The following TSEN2 variants were observed in gnomAD, a reference collection of about 807,000 sequenced individuals.
The protein encoded by TSEN2 is tRNA splicing endonuclease subunit 2.
TSEN2 carries 54 observed loss-of-function variants against 59.2 expected under a neutral mutation model. The ratio of observed to expected loss-of-function variants is 0.91; its 90% CI spans 0.73 to 1.14. The LOEUF (loss-of-function observed/expected upper bound fraction) is 1.14. Among genes scored for constraint, TSEN2 ranks in the 50% most tolerant of loss-of-function variants. TSEN2 has a pLI of 0.00. For synonymous variants in TSEN2, 195 were observed against 198.2 expected, an observed-to-expected ratio of 0.98 and a Z score of 0.14; for missense variants, 636 against 576.2, an observed-to-expected ratio of 1.10 and a Z score of -1.06.
chr3:12,492,220 A>T lies in TSEN2; in HGVS notation c.271+3A>T. 1.2e-6 allele frequency: 2 copies of T among 1,611,298 alleles called. No homozygotes were observed. Among genetic ancestry groups the T allele is most frequent in the South Asian group, 2.2e-5 (2 of 91,014 alleles). On this transcript the variant is annotated splice_donor_region_variant and intron_variant, in intron 3 of 11. Coordinates refer to ENST00000284995, the MANE Select transcript of TSEN2 (RefSeq NM_025265.4). Reference sequence around the variant, plus strand: ...TAAACTGGTTGCTAAATGGAAAGGTAAAGTTGTTGTATCATTCAGTTCTTT... The same window carrying T: ...TAAACTGGTTGCTAAATGGAAAGGTTAAGTTGTTGTATCATTCAGTTCTTT...
At chr3:12,509,808 A>T (rs2055240370) in intron 6 of TSEN2, among the ~76,000 whole-genome samples, 1 of 152,202 alleles carries the variant, frequency 6.6e-6, no homozygotes, top group African/African-American at 2.4e-5. Context: ...CCTGGGGAAT[A>T]AACTAGAATG....
chr3:12,508,794 C>T (rs1051544209), intron 6 of TSEN2, among the ~76,000 whole-genome samples: 3 of 152,198 alleles, frequency 2.0e-5, no homozygotes, highest in Non-Finnish European at 2.9e-5. Context: ...TGTCTCCATC[C>T]GTCTTCTGCA....
chr3:12,531,226 G>A, intron 10 of TSEN2: 1 of 261,062 alleles, frequency 3.8e-6, no homozygotes, highest in Non-Finnish European at 7.5e-6. Context: ...TTTGGGTGGG[G>A]GCACAGCCAA....
rs1491196550 is a variant in TSEN2 at position 12,516,442 on chromosome 3, A to ATG, written c.910-168_910-167insGT. 0.034 allele frequency among the ~76,000 whole-genome samples: 3,031 copies of ATG among 89,134 alleles called. 52 individuals carry two copies. The highest frequency in any genetic ancestry group is 0.054 in the African/African-American group (1,316 of 24,492). The allele number at this position is 89,134 out of a possible 152,430, so 58.5% of individuals were successfully genotyped here. A position where few individuals can be genotyped will look rare whatever the true frequency, so the allele number is the denominator to read the frequency against. ...TCCGTTTCAAAAACAAACAAACAAA[A>ATG]TATATGTGTGTGTGTGTGTGTGTGT... On this transcript the variant is annotated intron_variant, in intron 6 of 11. Transcript: ENST00000284995.
intron 6 of TSEN2, among the ~76,000 whole-genome samples, chr3:12,514,201 C>G (rs939208099): frequency 6.6e-6 from 1 of 152,142 alleles, no homozygotes. Flanking sequence ...ACCTTTGAGT[C>G]TGGAGCAGAA....
At chr3:12,491,118 G>A (rs1013793638) in intron 2 of TSEN2, among the ~76,000 whole-genome samples, 30 of 152,072 alleles carry the variant, frequency 2.0e-4, no homozygotes, top group African/African-American at 7.0e-4. Flanking sequence ...AGCCTCCCGA[G>A]TAGTTGGGAC....
At position 12,532,803 on chromosome 3, in the gene TSEN2, A is replaced by T; in HGVS notation, c.*82A>T. ...AAAGTTCTTTTTGTTGTAATCGTCC[A>T]TTAATTCATAAGTTTTAAAGGGCAT... On this transcript the variant is annotated 3_prime_UTR_variant, in exon 12 of 12. Coordinates refer to ENST00000284995, the MANE Select transcript of TSEN2 (RefSeq NM_025265.4). 2.2e-6 allele frequency: 3 copies of T among 1,365,352 alleles called. No homozygotes were observed. Among genetic ancestry groups the T allele is most frequent in the Non-Finnish European group, 3.1e-6 (3 of 958,992 alleles). The allele number at this position is 1,365,352 out of a possible 1,614,324, so 84.6% of individuals were successfully genotyped here. A position where few individuals can be genotyped will look rare whatever the true frequency, so the allele number is the denominator to read the frequency against.
At chr3:12,519,295 T>C in intron 8 of TSEN2, 98 bp downstream of exon 8, 1 of 1,516,394 alleles carries the variant, frequency 6.6e-7, no homozygotes. Context: ...TGATGTTTTC[T>C]AAGAAGGTAT....
In TSEN2 at chr3:12,503,675, A is replaced by C. The variant is rs1209328684; in HGVS notation, c.722A>C (p.Gln241Pro). Residue 241 changes from glutamine (Q) to proline (P), a missense_variant, in exon 5 of 12, where the codon CAG (glutamine) becomes CCG (proline). Gln to Pro is a moderately conservative substitution (Grantham distance 76, BLOSUM62 -1). Coordinates refer to ENST00000284995, the MANE Select transcript of TSEN2 (RefSeq NM_025265.4). Reference sequence around the variant, plus strand: ...GGCCTTCATCATGAAGACGGCAGCCAGCACATCGGCCTCCTGCATCCTGGG... The same window carrying C: ...GGCCTTCATCATGAAGACGGCAGCCCGCACATCGGCCTCCTGCATCCTGGG... ...QRGLHHEDGS[Q>P]HIGLLHPGDR... 6.2e-6 allele frequency: 10 copies of C among 1,609,236 alleles called. No homozygotes were observed. The highest frequency in any genetic ancestry group is 8.5e-6 in the Non-Finnish European group (10 of 1,177,596).
At chr3:12,513,311 G>A (rs986211277) in intron 6 of TSEN2, among the ~76,000 whole-genome samples, 77 of 152,248 alleles carry the variant, frequency 5.1e-4, no homozygotes, top group Middle Eastern at 3.4e-3. Context: ...TCCAGGCTGT[G>A]CTATCCAGTT....
intron 1 of TSEN2, among the ~76,000 whole-genome samples, chr3:12,487,895 C>T (rs1364684033): frequency 6.6e-6 from 1 of 152,212 alleles, no homozygotes; most frequent in Non-Finnish European, 1.5e-5. Context: ...GTAATTCCTT[C>T]AAGGAACCTT....
chr3:12,530,232 A>C (rs78842419), intron 10 of TSEN2: 1 of 1,035,596 alleles, frequency 9.7e-7, no homozygotes, highest in African/African-American at 1.7e-5. Flanking sequence ...ACACATATTC[A>C]CAAAGGAGTC....
At chr3:12,485,487 A>G (rs924584276) in intron 1 of TSEN2, among the ~76,000 whole-genome samples, 2 of 152,182 alleles carry the variant, frequency 1.3e-5, no homozygotes, top group African/African-American at 4.8e-5. Context: ...CATCTGTACA[A>G]TGGAAATAAA....
intron 6 of TSEN2, among the ~76,000 whole-genome samples, chr3:12,506,161 A>G (rs1156607141): frequency 2.1e-5 from 3 of 144,870 alleles, no homozygotes; most frequent in African/African-American, 8.6e-5. Flanking sequence ...ACAAGTCGCT[A>G]TTGTTTGGTA....
At chr3:12,517,316 C>T (rs982562157) in intron 7 of TSEN2, among the ~76,000 whole-genome samples, 1 of 139,580 alleles carries the variant, frequency 7.2e-6, no homozygotes, top group Non-Finnish European at 1.5e-5. Context: ...CGAGATAGCG[C>T]CACTGCTCTC....
chr3:12,499,685 T>G (rs1014658754), intron 4 of TSEN2, among the ~76,000 whole-genome samples: 4 of 152,116 alleles, frequency 2.6e-5, no homozygotes, highest in Non-Finnish European at 5.9e-5. Context: ...GATATGGGTG[T>G]GCACACCAGC....
intron 10 of TSEN2, chr3:12,530,161 TC>T: frequency 1.6e-6 from 2 of 1,275,988 alleles, no homozygotes; most frequent in South Asian, 2.5e-5. Context: ...GCATTGCTTC[TC>T]TTCCCAGGGG....
At chr3:12,494,246 A>G (rs369360592) in intron 3 of TSEN2, among the ~76,000 whole-genome samples, 6 of 112,440 alleles carry the variant, frequency 5.3e-5, no homozygotes, top group African/African-American at 2.4e-4. Context: ...TATATAATTA[A>G]TCCATATAAT....
At chr3:12,483,871 C>T (rs2052319266), upstream of TSEN2, among the ~76,000 whole-genome samples, 1 of 152,176 alleles carries the variant, frequency 6.6e-6, no homozygotes, top group African/African-American at 2.4e-5. Context: ...TTTCAGTAAA[C>T]TCAAGCTCAG....
Sources: gnomAD v4.1 joint callset for allele counts (sites outside exome capture counted in the v4.1 genomes callset) on GRCh38, gnomAD v4.1.1 for gene constraint, MANE v1.5 for transcripts, NCBI Gene and HGNC (gene_info 2026-07-23, HGNC 2026-07-21) for gene names.